SC5D: variants seen among roughly 807,000 people sequenced by gnomAD.
The protein encoded by SC5D is sterol-C5-desaturase.
In SC5D, 21 loss-of-function variants were observed where a neutral mutation model predicts 23.9. The ratio of observed to expected loss-of-function variants is 0.88; its 90% CI spans 0.62 to 1.26. The LOEUF is 1.26. Ranked by LOEUF, SC5D falls within the 50% of genes most tolerant of loss-of-function variation. SC5D has a pLI of 0.00. For synonymous variants in SC5D, 113 were observed against 125.9 expected (o/e 0.90, Z 0.68); for missense variants, 309 against 364.8 (o/e 0.85, Z 1.25).
At chr11:121,305,035 A>G (rs1347035757) in intron 3 of SC5D, 1 of 168,160 alleles carries the variant, frequency 5.9e-6, no homozygotes. Context: ...ATTATGTAAT[A>G]TATTAGTCAT....
At chr11:121,301,182 C>T (rs753266285) in intron 1 of SC5D, among the ~76,000 whole-genome samples, 1 of 152,066 alleles carries the variant, frequency 6.6e-6, no homozygotes, top group African/African-American at 2.4e-5. Context: ...ACTTACAAGG[C>T]AAAGACTCTA....
In SC5D at chr11:121,309,880, T is replaced by C. The variant is rs904379891; in HGVS notation, c.*2368T>C. The stretch of plus-strand genomic sequence containing the variant: ...ACTTTTATAGTTACAGGACAGAAAG[T>C]GAAAATCAAGGTTACGTTTTCTACT... On this transcript the variant is annotated 3_prime_UTR_variant, in exon 5 of 5. Coordinates refer to ENST00000264027, the MANE Select transcript of SC5D (RefSeq NM_006918.5). Among the ~76,000 whole-genome samples the C allele has an allele frequency of 6.6e-6, 1 of 152,206 alleles. No individual in the cohort carries two copies. The highest frequency in any genetic ancestry group is 2.1e-4 in the South Asian group (1 of 4,834).
Position 121,308,670 on chromosome 11 carries a change from C to T in SC5D, c.*1158C>T, listed in dbSNP as rs1339198673. On this transcript the variant is annotated 3_prime_UTR_variant, in exon 5 of 5. Transcript: ENST00000264027. ...GAGTATTATAGCAGCACAAAGTATTCTTTGTACAGATTTTGTGCCAATTTG... is the reference window on the plus strand; with the variant it reads ...GAGTATTATAGCAGCACAAAGTATTTTTTGTACAGATTTTGTGCCAATTTG... 1 of 152,598 alleles carries T rather than the reference C, an allele frequency of 6.6e-6. No homozygotes were observed. The highest frequency in any genetic ancestry group is 1.5e-5 in the Non-Finnish European group (1 of 68,026). The allele number at this position is 152,598 out of a possible 1,614,324, so 9.5% of individuals were successfully genotyped here.
rs767126672 is a variant in SC5D, at chr11:121,307,220, T to C, written c.608T>C (p.Ile203Thr). The change falls in exon 5 of 5, where the codon ATC (isoleucine) becomes ACC (threonine). Residue 203 changes from isoleucine to threonine, a missense_variant. Ile to Thr is a moderately conservative substitution (Grantham distance 89). Coordinates refer to ENST00000264027, the MANE Select transcript of SC5D (RefSeq NM_006918.5). The stretch of plus-strand genomic sequence containing the variant: ...TTAAGTCTGTACATCTTGGTTAATA[T>C]CTGGACAATTTCCATTCATGACGGT... ...VYLSLYILVN[I>T]WTISIHDGDF... 7 of 1,614,230 alleles carry C rather than the reference T, an allele frequency of 4.3e-6. 1 individual carries two copies. Among genetic ancestry groups the C allele is most frequent in the Middle Eastern group, 1.6e-4 (1 of 6,062 alleles).
Position 121,307,589 on chromosome 11 carries a change from T to A in SC5D, c.*77T>A. The A allele has an allele frequency of 1.0e-6, 1 of 996,160 alleles. No homozygotes were observed. The highest frequency in any genetic ancestry group is 1.6e-5 in the South Asian group (1 of 62,564). The allele number at this position is 996,160 out of a possible 1,614,324, so 61.7% of individuals were successfully genotyped here. A position where few individuals can be genotyped will look rare whatever the true frequency, so the allele number is the denominator to read the frequency against. Reference sequence around the variant, plus strand: ...TTTCTTTTTTTTAATAAGGAAAAAATAATATCCATACAGTCAAGATACATA... The same window carrying A: ...TTTCTTTTTTTTAATAAGGAAAAAAAAATATCCATACAGTCAAGATACATA... On this transcript the variant is annotated 3_prime_UTR_variant, in exon 5 of 5. Coordinates refer to ENST00000264027, the MANE Select transcript of SC5D (RefSeq NM_006918.5).
rs867229765 is a variant in SC5D at position 121,308,425 on chromosome 11, C to T, written c.*913C>T. The T allele has an allele frequency of 2.4e-4, 36 of 152,078 alleles. No individual in the cohort carries two copies. The highest frequency in any genetic ancestry group is 7.7e-4 in the African/African-American group (32 of 41,388). 9.4% of individuals were successfully genotyped at this position (152,078 alleles called of 1,614,324 possible). A position where few individuals can be genotyped will look rare whatever the true frequency, so the allele number is the denominator to read the frequency against. On this transcript the variant is annotated 3_prime_UTR_variant, in exon 5 of 5. Coordinates refer to ENST00000264027, the MANE Select transcript of SC5D (RefSeq NM_006918.5). Reference sequence around the variant, plus strand: ...ATTTTTTTGTAAAGGAAATAATTGCCAAATACCTAGGCCCATTGCTGACGA... The same window carrying T: ...ATTTTTTTGTAAAGGAAATAATTGCTAAATACCTAGGCCCATTGCTGACGA...
intron 3 of SC5D, chr11:121,306,124 C>A (rs1947962114): frequency 6.9e-6 from 3 of 435,046 alleles, no homozygotes; most frequent in Non-Finnish European, 1.3e-5. Context: ...TAGGAGTATC[C>A]TGTCTCACAA....
In SC5D at chr11:121,309,234, C is replaced by T. The variant is rs773636292; in HGVS notation, c.*1722C>T. Among the ~76,000 whole-genome samples the T allele has an allele frequency of 2.0e-5, 3 of 152,212 alleles. No individual in the cohort carries two copies. Among genetic ancestry groups the T allele is most frequent in the African/African-American group, 4.8e-5 (2 of 41,442 alleles). ...CTTCCTCTTGGGGCTCTGCCTTTCT[C>T]TCAGTCCATAGAGCCCTCTTTGTTG... On this transcript the variant is annotated 3_prime_UTR_variant, in exon 5 of 5. Coordinates refer to ENST00000264027, the MANE Select transcript of SC5D (RefSeq NM_006918.5).
intron 4 of SC5D, 28 bp from the exon 5 acceptor site, chr11:121,307,029 G>A (rs771633203): frequency 6.2e-5 from 98 of 1,588,148 alleles, no homozygotes; most frequent in Non-Finnish European, 8.1e-5. Flanking sequence ...AAAGTTTGCA[G>A]TGCTAATTGT....
chr11:121,301,635 G>T (rs115846060), intron 1 of SC5D, among the ~76,000 whole-genome samples: 1 of 152,010 alleles, frequency 6.6e-6, no homozygotes, highest in African/African-American at 2.4e-5. Context: ...ATAGGGTTGG[G>T]GTTTATTTTT....
rs1175111767 is a variant in SC5D at position 121,310,469 on chromosome 11, T to C, written c.*2957T>C. 6.7e-6 allele frequency among the ~76,000 whole-genome samples: 1 copy of C among 149,926 alleles called. No individual in the cohort carries two copies. Among genetic ancestry groups the C allele is most frequent in the Non-Finnish European group, 1.5e-5 (1 of 67,480 alleles). On this transcript the variant is annotated 3_prime_UTR_variant, in exon 5 of 5. Coordinates refer to ENST00000264027, the MANE Select transcript of SC5D (RefSeq NM_006918.5). Reference sequence around the variant, plus strand: ...GTCTCCTGTCCCTTTTTTTTTTTTTTTTTTTGAGATGGAGTCTTGCTCTGT... The same window carrying C: ...GTCTCCTGTCCCTTTTTTTTTTTTTCTTTTTGAGATGGAGTCTTGCTCTGT...
chr11:121,294,001 CAT>C (rs1253104927), intron 1 of SC5D, among the ~76,000 whole-genome samples: 1 of 152,158 alleles, frequency 6.6e-6, no homozygotes, highest in East Asian at 1.9e-4. Flanking sequence ...GTACCTATCT[CAT>C]AGAGGTATAG....
Position 121,308,492 on chromosome 11 carries a change from T to C in SC5D, c.*980T>C, listed in dbSNP as rs1947985187. 1 of 152,402 alleles carries C rather than the reference T, an allele frequency of 6.6e-6. No homozygotes were observed. The highest frequency in any genetic ancestry group is 2.1e-4 in the South Asian group (1 of 4,832). 9.4% of individuals were successfully genotyped at this position (152,402 alleles called of 1,614,324 possible). On this transcript the variant is annotated 3_prime_UTR_variant, in exon 5 of 5. Coordinates refer to ENST00000264027, the MANE Select transcript of SC5D (RefSeq NM_006918.5). ...ATTCCTCCTCTTCTCCCCTCACTTTTCCCTACTTCCTCTGCAAAAAGATTT... is the reference window on the plus strand; with the variant it reads ...ATTCCTCCTCTTCTCCCCTCACTTTCCCCTACTTCCTCTGCAAAAAGATTT...
intron 1 of SC5D, 84 bp from the exon 2 acceptor site, chr11:121,303,282 A>G (rs894386222): frequency 3.0e-6 from 3 of 998,354 alleles, no homozygotes; most frequent in Non-Finnish European, 4.8e-6. Flanking sequence ...TAAATCAGGA[A>G]CTTGAGATAT....
At position 121,309,740 on chromosome 11, in the gene SC5D, A is replaced by G. The variant is rs1230113104; in HGVS notation, c.*2228A>G. Among the ~76,000 whole-genome samples the G allele has an allele frequency of 6.6e-6, 1 of 152,218 alleles. No homozygotes were observed. Among genetic ancestry groups the G allele is most frequent in the African/African-American group, 2.4e-5 (1 of 41,456 alleles). On this transcript the variant is annotated 3_prime_UTR_variant, in exon 5 of 5. Transcript: ENST00000264027. Reference sequence around the variant, plus strand: ...AATTCTGGTCTTTTAAAGCAGCGTTATGTTAAGTAGTCCTAACATTGTAAT... The same window carrying G: ...AATTCTGGTCTTTTAAAGCAGCGTTGTGTTAAGTAGTCCTAACATTGTAAT...
chr11:121,295,117 G>A (rs1197234122), intron 1 of SC5D, among the ~76,000 whole-genome samples: 1 of 152,136 alleles, frequency 6.6e-6, no homozygotes, highest in Non-Finnish European at 1.5e-5. Flanking sequence ...CATTGAACCC[G>A]TTTTGAACCC....
chr11:121,310,543 C>T lies in SC5D; in HGVS notation c.*3031C>T, dbSNP rs1215796321. Among the ~76,000 whole-genome samples the T allele has an allele frequency of 6.6e-6, 1 of 150,690 alleles. No homozygotes were observed. The highest frequency in any genetic ancestry group is 1.5e-5 in the Non-Finnish European group (1 of 67,770). On this transcript the variant is annotated 3_prime_UTR_variant, in exon 5 of 5. Coordinates refer to ENST00000264027, the MANE Select transcript of SC5D (RefSeq NM_006918.5). ...CGTGATCTTGGTTCACTGCAAGCTC[C>T]ACCTCCCGGGTTCACGCCATTCTCC...
In SC5D at chr11:121,307,673, G is replaced by A. The variant is rs1329143723; in HGVS notation, c.*161G>A. On this transcript the variant is annotated 3_prime_UTR_variant, in exon 5 of 5. Coordinates refer to ENST00000264027, the MANE Select transcript of SC5D (RefSeq NM_006918.5). ...GCACTGCTGAGGAATGATCCTAGTG[G>A]TAGGTCAGAAGAAGATGCTGTGAAC... 1.4e-5 allele frequency: 8 copies of A among 591,942 alleles called. No individual in the cohort carries two copies. Among genetic ancestry groups the A allele is most frequent in the Non-Finnish European group, 2.3e-5 (8 of 341,478 alleles). The allele number at this position is 591,942 out of a possible 1,614,324, so 36.7% of individuals were successfully genotyped here. A position where few individuals can be genotyped will look rare whatever the true frequency, so the allele number is the denominator to read the frequency against.
intron 2 of SC5D, 56 bp downstream of exon 2, chr11:121,303,641 A>G (rs777669194): frequency 2.9e-6 from 4 of 1,398,634 alleles, no homozygotes; most frequent in East Asian, 4.8e-5. Flanking sequence ...ACAATATGAT[A>G]TATTTCTGAG....
Sources: gnomAD v4.1 joint callset for allele counts (sites outside exome capture counted in the v4.1 genomes callset) on GRCh38, gnomAD v4.1.1 for gene constraint, MANE v1.5 for transcripts, NCBI Gene and HGNC (gene_info 2026-07-23, HGNC 2026-07-21) for gene names.